The following CACNA2D4 variants were observed in gnomAD, a reference collection of about 807,000 sequenced individuals.
CACNA2D4 encodes the protein calcium voltage-gated channel auxiliary subunit alpha2delta 4.
In CACNA2D4, 157 loss-of-function variants were observed where a neutral mutation model predicts 163.8. The observed-to-expected ratio is 0.96, with a 90% CI of 0.84 to 1.09. CACNA2D4 has a LOEUF of 1.09. Among genes scored for constraint, CACNA2D4 ranks in the 50% least tolerant of loss-of-function variants. The pLI, the probability that CACNA2D4 is intolerant of heterozygous loss-of-function variation, is 0.00. For synonymous variants in CACNA2D4, 598 were observed against 586.9 expected (o/e 1.02, Z -0.27); for missense variants, 1,410 against 1,479.9 (o/e 0.95, Z 0.78).
At chr12:1,811,044 G>A (rs1245311224) in intron 27 of CACNA2D4, among the ~76,000 whole-genome samples, 1 of 152,210 alleles carries the variant, frequency 6.6e-6, no homozygotes, top group East Asian at 1.9e-4. Context: ...TGGTTGAGGC[G>A]GTGGGTGACC....
intron 4 of CACNA2D4, among the ~76,000 whole-genome samples, chr12:1,909,548 GCCCT>G (rs1866762780): frequency 6.6e-6 from 1 of 152,168 alleles, no homozygotes; most frequent in African/African-American, 2.4e-5. Flanking sequence ...CCTTTTCCAG[GCCCT>G]GCCTGCCTAA....
At chr12:1,809,323 G>T in intron 29 of CACNA2D4, 1 of 568,372 alleles carries the variant, frequency 1.8e-6, no homozygotes, top group East Asian at 2.9e-5. Context: ...GCCCTCAGCT[G>T]GGGCTGGCTT....
intron 22 of CACNA2D4, among the ~76,000 whole-genome samples, chr12:1,854,520 C>T (rs1468973769): frequency 6.6e-6 from 1 of 152,196 alleles, no homozygotes; most frequent in Non-Finnish European, 1.5e-5. Context: ...ATTCTCCTGC[C>T]TCAGCCTCCC....
intron 5 of CACNA2D4, 71 bp from the exon 6 acceptor site, chr12:1,907,642 G>C: frequency 7.0e-7 from 1 of 1,423,492 alleles, no homozygotes; most frequent in Non-Finnish European, 9.7e-7. Flanking sequence ...CCCGGTGAGG[G>C]TGCCTGGTGG....
intron 26 of CACNA2D4, among the ~76,000 whole-genome samples, chr12:1,813,870 G>A (rs965013789): frequency 2.6e-5 from 4 of 152,204 alleles, no homozygotes; most frequent in Non-Finnish European, 5.9e-5. Context: ...CAGGTGAGGT[G>A]TGCTCAGGGC....
Position 1,799,961 on chromosome 12 carries a change from T to C in CACNA2D4, c.2974+39A>G, listed in dbSNP as rs1172754647. ...TCACGTTAGTGGACCAAAATGCCAC[T>C]GCTCTTCAGCACATGGCCCTGCAGC... On this transcript the variant is annotated intron_variant, in intron 33 of 37. Transcript: ENST00000382722. This position sits in a 1 kb window ranked among gnomAD's most constrained non-coding sequence, Gnocchi z 4.7. 1.7e-5 allele frequency: 27 copies of C among 1,583,622 alleles called. No individual in the cohort carries two copies. Among genetic ancestry groups the C allele is most frequent in the Non-Finnish European group, 2.3e-5 (27 of 1,164,326 alleles).
chr12:1,918,402 G>C lies in CACNA2D4; in HGVS notation c.72C>G (p.Phe24Leu). The stretch of plus-strand genomic sequence containing the variant: ...GGCTGCTGGAGCTGGGGTTTGCGAG[G>C]AAGTTGGGAGTTGCAGGCATGGTGG... Reference protein sequence around the residue: ...PRPTMPATPNFLANPSSSSRW... With the variant: ...PRPTMPATPNLLANPSSSSRW... The change falls in exon 1 of 38, where the codon TTC becomes TTG. Residue 24 changes from phenylalanine (F) to leucine (L), a missense_variant. Phe to Leu is a conservative substitution (Grantham distance 22, BLOSUM62 0). Transcript: ENST00000382722. The C allele has an allele frequency of 6.3e-7, 1 of 1,598,934 alleles. No homozygotes were observed. Among genetic ancestry groups the C allele is most frequent in the Non-Finnish European group, 8.5e-7 (1 of 1,173,198 alleles).
At position 1,801,051 on chromosome 12, in the gene CACNA2D4, G is replaced by A; in HGVS notation, c.2860C>T (p.Leu954=). Residue 954 remains leucine (L), a synonymous_variant, in exon 31 of 38, where the codon CTG becomes TTG. Coordinates refer to ENST00000382722, the MANE Select transcript of CACNA2D4 (RefSeq NM_172364.5). ...SSHHHSAAQP[L]VSPISAFLTA... ...GGCTGGGTGACACTCACGCTGACCA[G>A]GGGCTGGGCTGCACTGTGGTGGTGA... is the stretch of plus-strand genomic sequence containing the variant. The A allele has an allele frequency of 6.2e-7, 1 of 1,613,222 alleles. No homozygotes were observed. The highest frequency in any genetic ancestry group is 8.5e-7 in the Non-Finnish European group (1 of 1,179,840).
rs374264665 is a variant in CACNA2D4, at chr12:1,911,021, A to ATTT, written c.427-1059_427-1057dup. ...GTCACCTGTATTTTACCGCAATACAATTTTTTTTTTTTTTTTTTTTGAGAT... is the reference window on the plus strand; with the variant it reads ...GTCACCTGTATTTTACCGCAATACAATTTTTTTTTTTTTTTTTTTTTTTGAGAT... On this transcript the variant is annotated intron_variant, in intron 3 of 37. Transcript: ENST00000382722. 5.9e-3 allele frequency among the ~76,000 whole-genome samples: 787 copies of ATTT among 133,422 alleles called. 22 individuals carry two copies. Among genetic ancestry groups the ATTT allele is most frequent in the East Asian group, 0.029 (134 of 4,676 alleles). 87.5% of individuals were successfully genotyped at this position (133,422 alleles called of 152,430 possible). A position where few individuals can be genotyped will look rare whatever the true frequency, so the allele number is the denominator to read the frequency against.
chr12:1,914,977 C>A (rs116572063), intron 1 of CACNA2D4, 42 bp from the exon 2 acceptor site: 11 of 1,415,796 alleles, frequency 7.8e-6, no homozygotes, highest in Non-Finnish European at 1.1e-5. Flanking sequence ...CACACGTACA[C>A]GCACAAATAC....
At chr12:1,850,383 T>G (rs1050087017) in intron 23 of CACNA2D4, among the ~76,000 whole-genome samples, 1 of 152,230 alleles carries the variant, frequency 6.6e-6, no homozygotes, top group Non-Finnish European at 1.5e-5. Context: ...AAGGACTATT[T>G]GCATTTTTCC....
intron 18 of CACNA2D4, among the ~76,000 whole-genome samples, chr12:1,864,904 G>C (rs1865609664): frequency 6.6e-6 from 1 of 152,200 alleles, no homozygotes; most frequent in Non-Finnish European, 1.5e-5. Context: ...TGGATTCCTC[G>C]TAGGAAAATC....
chr12:1,826,966 T>C (rs188264251), intron 26 of CACNA2D4, among the ~76,000 whole-genome samples: 5 of 152,296 alleles, frequency 3.3e-5, no homozygotes, highest in Admixed American at 2.0e-4. Context: ...CAGAATTCCA[T>C]AGGCCCATGG....
At chr12:1,911,590 C>T (rs571790118) in intron 3 of CACNA2D4, among the ~76,000 whole-genome samples, 4 of 152,278 alleles carry the variant, frequency 2.6e-5, no homozygotes, top group South Asian at 2.1e-4. Flanking sequence ...ACTTCCCACG[C>T]GCACCCTCAT....
In CACNA2D4 at chr12:1,799,663, TGG is replaced by T. The variant is rs1044331036; in HGVS notation, c.2995+10_2995+11del. ...CACCGCCAGCAGGGATGGCCTCAGC[TGG>T]GCTACTTACAGTGATGGAAGACACT... On this transcript the variant is annotated intron_variant, in intron 34 of 37. Coordinates refer to ENST00000382722, the MANE Select transcript of CACNA2D4 (RefSeq NM_172364.5). This position sits in a 1 kb window ranked among gnomAD's most constrained non-coding sequence, Gnocchi z 4.7. The T allele has an allele frequency of 1.9e-5, 30 of 1,566,816 alleles. No homozygotes were observed. The highest frequency in any genetic ancestry group is 2.5e-5 in the Non-Finnish European group (29 of 1,156,060).
Position 1,875,681 on chromosome 12 carries a change from C to T in CACNA2D4, c.1720-344G>A, listed in dbSNP as rs1472407035. On this transcript the variant is annotated intron_variant, in intron 16 of 37. Transcript: ENST00000382722. This position sits in a 1 kb window ranked among gnomAD's most constrained non-coding sequence, Gnocchi z 4.0. ...TCCATCTCCCTGTTACTTCCATCCA[C>T]TGATCTTCCTTCTTTCCCCTGGAGC... is the stretch of plus-strand genomic sequence containing the variant. Among the ~76,000 whole-genome samples the T allele has an allele frequency of 6.6e-6, 1 of 152,216 alleles. No individual in the cohort carries two copies. The highest frequency in any genetic ancestry group is 1.5e-5 in the Non-Finnish European group (1 of 68,040).
intron 13 of CACNA2D4, 107 bp from the exon 14 acceptor site, chr12:1,879,988 C>G: frequency 1.6e-6 from 1 of 644,132 alleles, no homozygotes; most frequent in Non-Finnish European, 2.8e-6. Context: ...CATCAATTAT[C>G]CAGCGTCACC....
chr12:1,815,008 G>A (rs1051382965), intron 26 of CACNA2D4, among the ~76,000 whole-genome samples: 6 of 152,190 alleles, frequency 3.9e-5, no homozygotes, highest in Admixed American at 1.3e-4. Flanking sequence ...TCCTGCCTCG[G>A]CCTCCCTAGT....
rs773924614 is a variant in CACNA2D4 at position 1,884,772 on chromosome 12, C to T, written c.1268G>A (p.Cys423Tyr). The change falls in exon 11 of 38, where the codon TGT becomes TAT. Residue 423 changes from cysteine to tyrosine, a missense_variant. Coordinates refer to ENST00000382722, the MANE Select transcript of CACNA2D4 (RefSeq NM_172364.5). ...GGACACCCGTGGGAGGGTCACCTTACAGTCTGGCCAGTTATACTTCTCAAA... is the reference window on the plus strand; with the variant it reads ...GGACACCCGTGGGAGGGTCACCTTATAGTCTGGCCAGTTATACTTCTCAAA... ...PVFEKYNWPD[C>Y]KVRVFTYLIG... 5 of 1,610,250 alleles carry T rather than the reference C, an allele frequency of 3.1e-6. No individual in the cohort carries two copies. The highest frequency in any genetic ancestry group is 2.2e-5 in the East Asian group (1 of 44,848).
Sources: allele counts gnomAD v4.1 joint callset (sites outside exome capture counted in the v4.1 genomes callset), GRCh38; gene constraint gnomAD v4.1.1; non-coding constraint Gnocchi (gnomAD v3.1); transcripts MANE v1.5; gene names NCBI Gene and HGNC (gene_info 2026-07-23, HGNC 2026-07-21).